AFG2A: variants seen among roughly 807,000 people sequenced by gnomAD.
AFG2A encodes the protein AAA ATPase AFG2A.
the AFG2A span, among the ~76,000 whole-genome samples, chr4:122,943,752 A>G: frequency 6.6e-6 from 1 of 152,190 alleles, no homozygotes; most frequent in East Asian, 1.9e-4. Context: ...ACATTTTGGC[A>G]TGATTTTGCA....
At chr4:123,096,286 T>A in the AFG2A span, among the ~76,000 whole-genome samples, 1 of 148,686 alleles carries the variant, frequency 6.7e-6, no homozygotes, top group Admixed American at 6.6e-5. Flanking sequence ...TTAATGAGAT[T>A]GTGTGATATC....
the AFG2A span, among the ~76,000 whole-genome samples, chr4:123,081,041 C>T: frequency 1.3e-5 from 2 of 152,054 alleles, no homozygotes; most frequent in Non-Finnish European, 2.9e-5. Context: ...ACAACCTCCC[C>T]AGCTGTTAAC....
chr4:123,197,741 C>G, the AFG2A span, among the ~76,000 whole-genome samples: 16 of 151,606 alleles, frequency 1.1e-4, no homozygotes, highest in Non-Finnish European at 1.9e-4. Context: ...GCACTCCAGC[C>G]TGGGTGACGG....
the AFG2A span, among the ~76,000 whole-genome samples, chr4:123,241,250 G>T: frequency 6.6e-6 from 1 of 152,186 alleles, no homozygotes; most frequent in East Asian, 1.9e-4. Context: ...CCAATCAATA[G>T]AACAAGAAGG....
At chr4:123,039,258 C>T in the AFG2A span, among the ~76,000 whole-genome samples, 1 of 152,054 alleles carries the variant, frequency 6.6e-6, no homozygotes. Context: ...ATGCCATATC[C>T]TTGGCTTTTG....
At chr4:123,255,526 G>T in the AFG2A span, among the ~76,000 whole-genome samples, 4 of 151,650 alleles carry the variant, frequency 2.6e-5, no homozygotes, top group African/African-American at 9.7e-5. Flanking sequence ...CCAAGTGCTG[G>T]GATTATAGGC....
the AFG2A span, among the ~76,000 whole-genome samples, chr4:123,246,761 C>A: frequency 1.3e-5 from 2 of 152,216 alleles, no homozygotes; most frequent in Non-Finnish European, 2.9e-5. Context: ...GTCTGCCCTA[C>A]ATGTGACCAC....
At chr4:123,227,183 T>C in the AFG2A span, among the ~76,000 whole-genome samples, 1 of 152,242 alleles carries the variant, frequency 6.6e-6, no homozygotes, top group African/African-American at 2.4e-5. Flanking sequence ...ATTGATTTTT[T>C]GAAAGGTTTT....
chr4:123,289,388 C>T, the AFG2A span, among the ~76,000 whole-genome samples: 1 of 152,172 alleles, frequency 6.6e-6, no homozygotes, highest in South Asian at 2.1e-4. Context: ...GGTATATATA[C>T]CACATTTTCT....
the AFG2A span, among the ~76,000 whole-genome samples, chr4:122,937,158 A>G: frequency 4.6e-5 from 7 of 152,068 alleles, no homozygotes; most frequent in Admixed American, 1.3e-4. Context: ...AAACAAACAA[A>G]CAAGCAAAAT....
At chr4:123,005,694 C>A in the AFG2A span, among the ~76,000 whole-genome samples, 1 of 152,164 alleles carries the variant, frequency 6.6e-6, no homozygotes, top group Non-Finnish European at 1.5e-5. Context: ...ATTTTCATTT[C>A]CATTTAGTTC....
At chr4:122,978,478 C>T in the AFG2A span, among the ~76,000 whole-genome samples, 1 of 152,144 alleles carries the variant, frequency 6.6e-6, no homozygotes, top group Non-Finnish European at 1.5e-5. Flanking sequence ...TGGCCATGGG[C>T]AGGCCCAGAA....
At chr4:122,948,380 C>T in the AFG2A span, among the ~76,000 whole-genome samples, 1 of 120,856 alleles carries the variant, frequency 8.3e-6, no homozygotes, top group African/African-American at 3.0e-5. Context: ...TAGACTTCTC[C>T]AGAGTATACA....
the AFG2A span, among the ~76,000 whole-genome samples, chr4:123,263,568 G>A: frequency 6.7e-6 from 1 of 148,944 alleles, no homozygotes; most frequent in Non-Finnish European, 1.5e-5. Flanking sequence ...TATTAAAGAT[G>A]TCTTTTGTAG....
chr4:122,950,077 C>T, the AFG2A span, among the ~76,000 whole-genome samples: 10 of 152,278 alleles, frequency 6.6e-5, no homozygotes, highest in South Asian at 8.3e-4. Flanking sequence ...TCCTGATGGT[C>T]GTATCACATC....
the AFG2A span, among the ~76,000 whole-genome samples, chr4:123,153,445 T>C: frequency 2.6e-5 from 4 of 152,346 alleles, no homozygotes; most frequent in East Asian, 7.7e-4. Context: ...GAAGAAAACT[T>C]TTTGTACCCA....
At chr4:123,087,012 T>A in the AFG2A span, among the ~76,000 whole-genome samples, 3 of 152,218 alleles carry the variant, frequency 2.0e-5, no homozygotes, top group Non-Finnish European at 2.9e-5. Flanking sequence ...CATAGTTTTT[T>A]AAAAATTCCT....
the AFG2A span, chr4:123,102,345 G>A: frequency 1.4e-5 from 2 of 148,126 alleles, no homozygotes; most frequent in Non-Finnish European, 3.0e-5. Flanking sequence ...TAAGGCTGTT[G>A]TTGTGTAATA....
the AFG2A span, among the ~76,000 whole-genome samples, chr4:123,130,597 C>A: frequency 6.6e-6 from 1 of 152,134 alleles, no homozygotes; most frequent in Non-Finnish European, 1.5e-5. Context: ...GTAGTTTGTT[C>A]CTTTTTTATT....
Sources: gnomAD v4.1 joint callset for allele counts (sites outside exome capture counted in the v4.1 genomes callset) on GRCh38, gnomAD v4.1.1 for gene constraint, MANE v1.5 for transcripts, NCBI Gene and HGNC (gene_info 2026-07-23, HGNC 2026-07-21) for gene names.